The following LHFPL3 variants were observed in gnomAD, a reference collection of about 807,000 sequenced individuals.
LHFPL3 encodes the protein LHFPL tetraspan subfamily member 3 protein.
A neutral mutation model predicts 19.3 loss-of-function variants in LHFPL3; 5 were observed. The observed-to-expected ratio is 0.26, with a 90% CI of 0.14 to 0.54. The LOEUF (loss-of-function observed/expected upper bound fraction) is 0.54. Ranked by LOEUF, LHFPL3 falls within the 20% of genes least tolerant of loss-of-function variation. The pLI, the probability that LHFPL3 is intolerant of heterozygous loss-of-function variation, is 0.94. For synonymous variants in LHFPL3, 133 were observed against 126.2 expected, an observed-to-expected ratio of 1.05 and a Z score of -0.36; for missense variants, 249 against 307.4, an observed-to-expected ratio of 0.81 and a Z score of 1.42.
chr7:104,481,105 A>C (rs1793127930), intron 1 of LHFPL3, among the ~76,000 whole-genome samples: 1 of 152,168 alleles, frequency 6.6e-6, no homozygotes. Context: ...ACATTTCTAC[A>C]CTTGTGCAAA....
intron 2 of LHFPL3, among the ~76,000 whole-genome samples, chr7:104,797,104 T>C (rs1790149705): frequency 6.6e-6 from 1 of 152,198 alleles, no homozygotes; most frequent in Non-Finnish European, 1.5e-5. Flanking sequence ...ACTCCTGGTG[T>C]CAGAAAATGG....
intron 1 of LHFPL3, among the ~76,000 whole-genome samples, chr7:104,408,436 C>T (rs1426719550): frequency 6.6e-6 from 1 of 151,744 alleles, no homozygotes; most frequent in Non-Finnish European, 1.5e-5. Context: ...GCAATTCGCT[C>T]ACTGGATCTT....
At chr7:104,460,449 G>A (rs1455592663) in intron 1 of LHFPL3, among the ~76,000 whole-genome samples, 2 of 152,096 alleles carry the variant, frequency 1.3e-5, no homozygotes, top group South Asian at 2.1e-4. Flanking sequence ...ATAGTTGAAT[G>A]AATTTACACT....
chr7:104,708,580 T>C (rs1212032490), intron 1 of LHFPL3, among the ~76,000 whole-genome samples: 2 of 152,166 alleles, frequency 1.3e-5, no homozygotes, highest in African/African-American at 4.8e-5. Flanking sequence ...TACCTTCCTA[T>C]TCTTAAGTTA....
At position 104,399,450 on chromosome 7, in the gene LHFPL3, G is replaced by A. The variant is rs978263645; in HGVS notation, c.445+70226G>A. Among the ~76,000 whole-genome samples, 2 of 145,946 alleles carry A rather than the reference G, an allele frequency of 1.4e-5. No individual in the cohort carries two copies. The highest frequency in any genetic ancestry group is 5.5e-5 in the African/African-American group (2 of 36,466). ...TTCTTCTGTTTTTTTTTGTTTTTTAGGTTTTTTTTGTTTGTTTGTTTGAGA... is the reference window on the plus strand; with the variant it reads ...TTCTTCTGTTTTTTTTTGTTTTTTAAGTTTTTTTTGTTTGTTTGTTTGAGA... On this transcript the variant is annotated intron_variant, in intron 1 of 2. Transcript: ENST00000424859. This position sits in a 1 kb window ranked among gnomAD's most constrained non-coding sequence, Gnocchi z 4.4.
chr7:104,654,188 C>T (rs115053845), intron 1 of LHFPL3, among the ~76,000 whole-genome samples: 79 of 152,192 alleles, frequency 5.2e-4, no homozygotes, highest in African/African-American at 1.9e-3. Flanking sequence ...CAGAAATAGC[C>T]AAGCAGATGT....
intron 1 of LHFPL3, among the ~76,000 whole-genome samples, chr7:104,573,159 T>A (rs1020438374): frequency 3.3e-5 from 5 of 152,194 alleles, no homozygotes; most frequent in Admixed American, 6.5e-5. Flanking sequence ...ATGCCTGTAA[T>A]CCCAGCACTT....
At chr7:104,398,306 G>A (rs374424811) in intron 1 of LHFPL3, among the ~76,000 whole-genome samples, 1 of 152,150 alleles carries the variant, frequency 6.6e-6, no homozygotes, top group Admixed American at 6.5e-5. Context: ...GAAGGGACAG[G>A]CTCCAGGCCT....
At chr7:104,584,151 C>T (rs1416476075) in intron 1 of LHFPL3, among the ~76,000 whole-genome samples, 5 of 152,078 alleles carry the variant, frequency 3.3e-5, no homozygotes, top group Non-Finnish European at 7.4e-5. Flanking sequence ...AGTTCATGTC[C>T]TTTGTAGGGA....
intron 1 of LHFPL3, among the ~76,000 whole-genome samples, chr7:104,600,316 A>T (rs886897784): frequency 3.9e-5 from 6 of 152,242 alleles, no homozygotes; most frequent in Admixed American, 2.6e-4. Flanking sequence ...TTATTGAGAT[A>T]CGGAGCTCTG....
At chr7:104,451,838 G>C (rs551685724) in intron 1 of LHFPL3, among the ~76,000 whole-genome samples, 1 of 152,158 alleles carries the variant, frequency 6.6e-6, no homozygotes, top group East Asian at 1.9e-4. Context: ...TCCGCCTCCA[G>C]GGTTTAAGCG....
At chr7:104,383,795 TA>T (rs1189048266) in intron 1 of LHFPL3, among the ~76,000 whole-genome samples, 3 of 152,216 alleles carry the variant, frequency 2.0e-5, no homozygotes, top group Admixed American at 6.5e-5. Context: ...TTTGCCTTGT[TA>T]GGGGGAGTGA....
At chr7:104,615,153 A>G (rs898198991) in intron 1 of LHFPL3, among the ~76,000 whole-genome samples, 2 of 152,216 alleles carry the variant, frequency 1.3e-5, no homozygotes, top group South Asian at 4.1e-4. Context: ...TTCTTCACAT[A>G]TATGAGCTGG....
intron 1 of LHFPL3, among the ~76,000 whole-genome samples, chr7:104,478,701 A>C (rs1387144113): frequency 6.6e-6 from 1 of 152,354 alleles, no homozygotes; most frequent in African/African-American, 2.4e-5. Context: ...GGAGACTCAG[A>C]TAAATACTTA....
intron 1 of LHFPL3, among the ~76,000 whole-genome samples, chr7:104,685,595 G>A (rs147214523): frequency 1.3e-3 from 193 of 152,306 alleles, no homozygotes; most frequent in African/African-American, 4.2e-3. Flanking sequence ...ATAAGAGCAT[G>A]TAGGAGATTT....
rs961971572 is a variant in LHFPL3, at chr7:104,884,139, C to A, written c.683-22048C>A. On this transcript the variant is annotated intron_variant, in intron 2 of 2. Coordinates refer to ENST00000424859, the MANE Select transcript of LHFPL3 (RefSeq NM_199000.3). ...ATTAATACCTATACCGTGCCTGATGCGTGATAAGTGCCCAAGTCTTCGGTA... is the reference window on the plus strand; with the variant it reads ...ATTAATACCTATACCGTGCCTGATGAGTGATAAGTGCCCAAGTCTTCGGTA... Among the ~76,000 whole-genome samples, 6 of 152,128 alleles carry A rather than the reference C, an allele frequency of 3.9e-5. No homozygotes were observed. In the South Asian group the frequency reaches 6.2e-4, roughly 16 times the overall value.
chr7:104,373,588 A>G (rs1405833873), intron 1 of LHFPL3, among the ~76,000 whole-genome samples: 3 of 150,994 alleles, frequency 2.0e-5, no homozygotes, highest in Non-Finnish European at 3.0e-5. Context: ...GTCGGGGTAC[A>G]GTTTTGGTTT....
chr7:104,409,218 A>G (rs998010378), intron 1 of LHFPL3, among the ~76,000 whole-genome samples: 3 of 151,910 alleles, frequency 2.0e-5, no homozygotes, highest in Admixed American at 1.3e-4. Flanking sequence ...GAGGGAGGAA[A>G]TAGCTCTCAA....
chr7:104,847,411 C>CT (rs1395356198), intron 2 of LHFPL3, among the ~76,000 whole-genome samples: 1 of 152,216 alleles, frequency 6.6e-6, no homozygotes, highest in Non-Finnish European at 1.5e-5. Context: ...TACATCCTTC[C>CT]TTTACATAAA....
Sources: gnomAD v4.1 joint callset for allele counts (sites outside exome capture counted in the v4.1 genomes callset) on GRCh38, gnomAD v4.1.1 for gene constraint, Gnocchi (gnomAD v3.1) non-coding constraint, MANE v1.5 for transcripts, NCBI Gene and HGNC (gene_info 2026-07-23, HGNC 2026-07-21) for gene names.